Variants in CAMKK2 observed in about 807,000 individuals in gnomAD.
CAMKK2 encodes the protein calcium/calmodulin dependent protein kinase kinase 2, also known as calcium/calmodulin-dependent protein kinase kinase 2.
Under a neutral mutation model 67.2 loss-of-function variants are expected in CAMKK2, and 30 were observed. That is an observed-to-expected ratio of 0.45 (90% CI 0.33 to 0.61). The LOEUF (loss-of-function observed/expected upper bound fraction) is 0.61, where lower values mean the gene tolerates loss of function less well. Among genes scored for constraint, CAMKK2 ranks in the 20% least tolerant of loss-of-function variants. The pLI is 0.02. For synonymous variants in CAMKK2, 322 were observed against 326.2 expected (o/e 0.99, Z 0.14); for missense variants, 643 against 802.0 (o/e 0.80, Z 2.39).
chr12:121,270,319 G>A (rs980989181), intron 3 of CAMKK2, among the ~76,000 whole-genome samples: 4 of 150,926 alleles, frequency 2.7e-5, no homozygotes, highest in Non-Finnish European at 4.4e-5. Flanking sequence ...GCAGTGAGCC[G>A]AGATTGCGCC....
At chr12:121,292,398 G>A in intron 1 of CAMKK2, among the ~76,000 whole-genome samples, 1 of 152,110 alleles carries the variant, frequency 6.6e-6, no homozygotes, top group Non-Finnish European at 1.5e-5. Flanking sequence ...CAAAGTGCTG[G>A]GATTACAGGC....
chr12:121,262,704 G>A (rs557037603), intron 6 of CAMKK2, among the ~76,000 whole-genome samples: 15 of 151,984 alleles, frequency 9.9e-5, no homozygotes, highest in Non-Finnish European at 1.0e-4. Flanking sequence ...GACCAAAGGC[G>A]TGCACCACCA....
chr12:121,243,987 T>C (rs1201954107), intron 16 of CAMKK2: 2 of 1,513,430 alleles, frequency 1.3e-6, no homozygotes, highest in Non-Finnish European at 1.8e-6. Context: ...CAAAGCCTCA[T>C]CTGTCCTGGG....
In CAMKK2 at chr12:121,244,497, C is replaced by A. The variant is rs1889016514; in HGVS notation, c.1596+76G>T. ...AGGAGCATCTGCCCGGGTGGGGATG[C>A]CCCCGTGCTCTGCAGCTGCCCACCC... is the stretch of plus-strand genomic sequence containing the variant. On this transcript the variant is annotated intron_variant, in intron 16 of 16. Coordinates refer to ENST00000404169, the MANE Select transcript of CAMKK2 (RefSeq NM_001270485.2). The A allele has an allele frequency of 2.9e-6, 4 of 1,375,944 alleles. No homozygotes were observed. In the Admixed American group the frequency reaches 8.2e-5, roughly 28 times the overall value. 85.2% of individuals were successfully genotyped at this position (1,375,944 alleles called of 1,614,324 possible). A position where few individuals can be genotyped will look rare whatever the true frequency, so the allele number is the denominator to read the frequency against.
chr12:121,255,235 T>TATATATATATATAA (rs1403218346), intron 9 of CAMKK2, among the ~76,000 whole-genome samples: 1 of 5,134 alleles, frequency 1.9e-4, no homozygotes, highest in Non-Finnish European at 3.7e-4. Context: ...TATATATAAT[T>TATATATATATATAA]TTATATATAT....
chr12:121,250,065 C>T, intron 11 of CAMKK2, 31 bp from the exon 12 acceptor site: 1 of 1,573,674 alleles, frequency 6.4e-7, no homozygotes, highest in Non-Finnish European at 8.7e-7. Context: ...GAGTGGCAGT[C>T]AATGGCGGCC....
In CAMKK2 at chr12:121,253,597, A is replaced by T; in HGVS notation, c.908-125T>A. 1 of 804,728 alleles carries T rather than the reference A, an allele frequency of 1.2e-6. No homozygotes were observed. The highest frequency in any genetic ancestry group is 2.5e-5 in the East Asian group (1 of 39,706). 49.8% of individuals were successfully genotyped at this position (804,728 alleles called of 1,614,324 possible). On this transcript the variant is annotated intron_variant, in intron 9 of 16. Transcript: ENST00000404169. The surrounding 1 kb of genome is among the most constrained non-coding windows in gnomAD (Gnocchi z 5.0). ...CTGATGCCTTGTCTCCCACAGCCCC[A>T]GGCCTTTTCCAACCTTCCACTCCCC... is the stretch of plus-strand genomic sequence containing the variant.
chr12:121,259,942 G>C (rs1035511964), intron 7 of CAMKK2, among the ~76,000 whole-genome samples: 1 of 152,124 alleles, frequency 6.6e-6, no homozygotes. Flanking sequence ...AATTAGCTGG[G>C]TATGGTGGCC....
At chr12:121,276,334 G>C (rs1485760876) in intron 1 of CAMKK2, among the ~76,000 whole-genome samples, 1 of 151,666 alleles carries the variant, frequency 6.6e-6, no homozygotes, top group African/African-American at 2.4e-5. Flanking sequence ...TGGGCATGGT[G>C]GTGGGCACCT....
intron 7 of CAMKK2, among the ~76,000 whole-genome samples, chr12:121,257,479 A>G (rs796171801): frequency 6.6e-6 from 1 of 152,120 alleles, no homozygotes; most frequent in Non-Finnish European, 1.5e-5. Flanking sequence ...AACTTCTGAC[A>G]TCAGGTGATC....
chr12:121,264,363 G>A (rs751638534), intron 5 of CAMKK2, among the ~76,000 whole-genome samples: 2 of 152,234 alleles, frequency 1.3e-5, no homozygotes, highest in African/African-American at 2.4e-5. Context: ...CTGGCTGGGC[G>A]CTATGGCTCA....
At chr12:121,271,120 T>C (rs1895669005) in intron 2 of CAMKK2, among the ~76,000 whole-genome samples, 175 bp from the exon 3 acceptor site, 2 of 151,390 alleles carry the variant, frequency 1.3e-5, no homozygotes, top group African/African-American at 4.9e-5. Context: ...ATTAATAATA[T>C]AAAAATTAGC....
At chr12:121,279,863 T>C in intron 1 of CAMKK2, among the ~76,000 whole-genome samples, 1 of 152,192 alleles carries the variant, frequency 6.6e-6, no homozygotes, top group East Asian at 1.9e-4. Flanking sequence ...GGAAGCTGAG[T>C]GGCGCAGGCC....
chr12:121,273,249 C>A (rs1896113221), intron 2 of CAMKK2, among the ~76,000 whole-genome samples: 1 of 151,832 alleles, frequency 6.6e-6, no homozygotes, highest in African/African-American at 2.4e-5. Flanking sequence ...TCGGAATAGG[C>A]CTTACAAAGT....
At chr12:121,282,633 A>C (rs1898002033) in intron 1 of CAMKK2, among the ~76,000 whole-genome samples, 1 of 152,186 alleles carries the variant, frequency 6.6e-6, no homozygotes, top group South Asian at 2.1e-4. Flanking sequence ...AACCACCAGC[A>C]GCCAGGAGAG....
rs1374712032 is a variant in CAMKK2, at chr12:121,237,795, T to C, written c.*2904A>G. On this transcript the variant is annotated 3_prime_UTR_variant, in exon 17 of 17. Transcript: ENST00000404169. The surrounding 1 kb of genome is among the most constrained non-coding windows in gnomAD (Gnocchi z 4.5). ...TTGTCTCTTAAGTTCATGTACTTTT[T>C]AGTGATAAATACACAGTATTTAACT... The C allele has an allele frequency of 2.0e-5, 3 of 152,660 alleles. No individual in the cohort carries two copies. The highest frequency in any genetic ancestry group is 4.4e-5 in the Non-Finnish European group (3 of 68,050). The allele number at this position is 152,660 out of a possible 1,614,324, so 9.5% of individuals were successfully genotyped here. A position where few individuals can be genotyped will look rare whatever the true frequency, so the allele number is the denominator to read the frequency against.
intron 7 of CAMKK2, among the ~76,000 whole-genome samples, chr12:121,259,837 C>T (rs1234022624): frequency 1.3e-5 from 2 of 152,100 alleles, no homozygotes; most frequent in Non-Finnish European, 2.9e-5. Flanking sequence ...TATATACATG[C>T]TTTGGGAGGC....
chr12:121,248,187 G>T (rs1889882607), intron 14 of CAMKK2, among the ~76,000 whole-genome samples: 1 of 152,208 alleles, frequency 6.6e-6, no homozygotes, highest in Non-Finnish European at 1.5e-5. Context: ...GTGCGTGGAA[G>T]TCCCTGCCCC....
rs941204732 is a variant in CAMKK2 at position 121,244,209 on chromosome 12, G to A, written c.1596+364C>T. 6 of 1,504,434 alleles carry A rather than the reference G, an allele frequency of 4.0e-6. No homozygotes were observed. The African/African-American group carries it at 5.5e-5, about 14-fold the overall frequency. 93.2% of individuals were successfully genotyped at this position (1,504,434 alleles called of 1,614,324 possible). A position where few individuals can be genotyped will look rare whatever the true frequency, so the allele number is the denominator to read the frequency against. Reference sequence around the variant, plus strand: ...ACACAGTGCAGCATGCCTGACCTATGTGCTGACCATGCGGACTCGGGGGGG... The same window carrying A: ...ACACAGTGCAGCATGCCTGACCTATATGCTGACCATGCGGACTCGGGGGGG... On this transcript the variant is annotated intron_variant, in intron 16 of 16. Coordinates refer to ENST00000404169, the MANE Select transcript of CAMKK2 (RefSeq NM_001270485.2).
Sources: gnomAD v4.1 joint callset for allele counts (sites outside exome capture counted in the v4.1 genomes callset) on GRCh38, gnomAD v4.1.1 for gene constraint, Gnocchi (gnomAD v3.1) non-coding constraint, MANE v1.5 for transcripts, NCBI Gene and HGNC (gene_info 2026-07-23, HGNC 2026-07-21) for gene names.